The following AK5 variants were observed in gnomAD, a reference collection of about 807,000 sequenced individuals.
AK5 encodes adenylate kinase isoenzyme 5.
Under a neutral mutation model 69.5 loss-of-function variants are expected in AK5, and 27 were observed. The ratio of observed to expected loss-of-function variants is 0.39; its 90% CI spans 0.29 to 0.54. The LOEUF is 0.54. Among genes scored for constraint, AK5 ranks in the 20% least tolerant of loss-of-function variants. AK5 has a pLI of 0.71. For synonymous variants in AK5, 260 were observed against 244.4 expected, an observed-to-expected ratio of 1.06 and a Z score of -0.60; for missense variants, 531 against 700.4, an observed-to-expected ratio of 0.76 and a Z score of 2.73.
intron 6 of AK5, among the ~76,000 whole-genome samples, chr1:77,398,567 T>C (rs1195653297): frequency 6.6e-6 from 1 of 152,232 alleles, no homozygotes; most frequent in Non-Finnish European, 1.5e-5. Context: ...AATTTAATTT[T>C]CTGGTTAATT....
At chr1:77,474,293 G>A (rs1448592324) in intron 8 of AK5, among the ~76,000 whole-genome samples, 2 of 152,132 alleles carry the variant, frequency 1.3e-5, no homozygotes, top group Non-Finnish European at 2.9e-5. Context: ...TTTCTAATGG[G>A]AAGAAGACTT....
At chr1:77,533,616 C>T (rs761554965) in intron 12 of AK5, among the ~76,000 whole-genome samples, 3 of 151,832 alleles carry the variant, frequency 2.0e-5, no homozygotes, top group East Asian at 3.9e-4. Flanking sequence ...GCTGCTGGTC[C>T]GTGGGCCACA....
intron 1 of AK5, among the ~76,000 whole-genome samples, chr1:77,286,163 A>C (rs2100638957): frequency 6.6e-6 from 1 of 152,232 alleles, no homozygotes; most frequent in South Asian, 2.1e-4. Context: ...CCAAGCATTT[A>C]ATATGCACTG....
chr1:77,425,879 A>G (rs762916168), intron 8 of AK5, among the ~76,000 whole-genome samples: 6 of 152,232 alleles, frequency 3.9e-5, no homozygotes, highest in Non-Finnish European at 5.9e-5. Flanking sequence ...TGCACTACCC[A>G]TGAAGCAGTA....
chr1:77,367,633 A>ATATATGTTATGTTATATATGTTATG (rs1646992790), intron 6 of AK5, among the ~76,000 whole-genome samples: 2 of 99,410 alleles, frequency 2.0e-5, no homozygotes, highest in Non-Finnish European at 3.8e-5. Context: ...TATATGTAAT[A>ATATATGTTATGTTATATATGTTATG]TATATGTTAT....
chr1:77,391,101 G>C (rs183818593), intron 6 of AK5, among the ~76,000 whole-genome samples: 6 of 152,244 alleles, frequency 3.9e-5, no homozygotes, highest in African/African-American at 1.4e-4. Context: ...CTGTCATTGA[G>C]CGAAGGGAAA....
intron 6 of AK5, among the ~76,000 whole-genome samples, chr1:77,370,123 G>A (rs1647092177): frequency 6.6e-6 from 1 of 152,140 alleles, no homozygotes; most frequent in Non-Finnish European, 1.5e-5. Flanking sequence ...TGCCTGCTGT[G>A]AGCCTGGGAG....
intron 8 of AK5, among the ~76,000 whole-genome samples, chr1:77,456,153 A>G (rs1325891520): frequency 6.6e-6 from 1 of 152,210 alleles, no homozygotes; most frequent in Admixed American, 6.5e-5. Flanking sequence ...GGAAGCCCCT[A>G]AAACAGCAAG....
chr1:77,426,382 T>A (rs1445046830), intron 8 of AK5, among the ~76,000 whole-genome samples: 2 of 152,200 alleles, frequency 1.3e-5, no homozygotes, highest in African/African-American at 4.8e-5. Flanking sequence ...ATCAGAGATT[T>A]TTTAAAGCAT....
chr1:77,313,291 G>A (rs1660060957), intron 5 of AK5, among the ~76,000 whole-genome samples: 1 of 152,092 alleles, frequency 6.6e-6, no homozygotes, highest in Non-Finnish European at 1.5e-5. Flanking sequence ...CAGCAGGCAA[G>A]AACAGAGCTA....
At chr1:77,512,468 A>G (rs1557645995) in intron 10 of AK5, among the ~76,000 whole-genome samples, 1 of 152,214 alleles carries the variant, frequency 6.6e-6, no homozygotes, top group East Asian at 1.9e-4. Context: ...AAGCACCAAT[A>G]TTTTAACAGA....
At chr1:77,501,344 C>T (rs920722576) in intron 10 of AK5, among the ~76,000 whole-genome samples, 1 of 152,224 alleles carries the variant, frequency 6.6e-6, no homozygotes, top group Non-Finnish European at 1.5e-5. Context: ...CTCCCATATA[C>T]AGTCATGCAT....
At chr1:77,468,883 A>G (rs180671313) in intron 8 of AK5, among the ~76,000 whole-genome samples, 16 of 152,350 alleles carry the variant, frequency 1.1e-4, no homozygotes, top group Admixed American at 2.6e-4. Context: ...TTTGAGTTCA[A>G]CACGTTTCCA....
intron 6 of AK5, among the ~76,000 whole-genome samples, chr1:77,351,445 AT>A (rs1381001377): frequency 1.3e-5 from 2 of 152,196 alleles, no homozygotes; most frequent in African/African-American, 4.8e-5. Flanking sequence ...TAACAGGTTT[AT>A]TTGATGTGTG....
chr1:77,544,735 AT>A (rs1659456240), intron 13 of AK5, among the ~76,000 whole-genome samples: 1 of 152,140 alleles, frequency 6.6e-6, no homozygotes, highest in Non-Finnish European at 1.5e-5. Flanking sequence ...TTTCTGGAAC[AT>A]TCCTGAAGGA....
At chr1:77,367,593 A>ATT (rs1646987204) in intron 6 of AK5, among the ~76,000 whole-genome samples, 1 of 88,500 alleles carries the variant, frequency 1.1e-5, no homozygotes, top group African/African-American at 4.9e-5. Context: ...TATATGTTAT[A>ATT]TATGTAATAT....
intron 8 of AK5, among the ~76,000 whole-genome samples, chr1:77,425,586 CA>C (rs908613898): frequency 1.3e-5 from 2 of 149,872 alleles, no homozygotes; most frequent in Non-Finnish European, 3.0e-5. Context: ...GACTCTGTCT[CA>C]AAAAAAAGAA....
chr1:77,543,558 GTC>G (rs1166260640), intron 13 of AK5, among the ~76,000 whole-genome samples: 1 of 151,914 alleles, frequency 6.6e-6, no homozygotes, highest in African/African-American at 2.4e-5. Flanking sequence ...TTGAGACAGG[GTC>G]TCTCTGTGTT....
chr1:77,529,628 A>G (rs1200091935), intron 12 of AK5, among the ~76,000 whole-genome samples: 2 of 152,136 alleles, frequency 1.3e-5, no homozygotes, highest in Non-Finnish European at 2.9e-5. Flanking sequence ...GATTCTTACC[A>G]TCTTGAGAAG....
Sources: allele counts gnomAD v4.1 joint callset (sites outside exome capture counted in the v4.1 genomes callset), GRCh38; gene constraint gnomAD v4.1.1; transcripts MANE v1.5; gene names NCBI Gene and HGNC (gene_info 2026-07-23, HGNC 2026-07-21).